The following METTL8 variants were observed in gnomAD, a reference collection of about 807,000 sequenced individuals.
METTL8 encodes the protein tRNA N(3)-cytidine methyltransferase METTL8, mitochondrial.
Under a neutral mutation model 48.7 loss-of-function variants are expected in METTL8, and 32 were observed. The observed-to-expected ratio is 0.66, with a 90% confidence interval of 0.50 to 0.88. The LOEUF (loss-of-function observed/expected upper bound fraction) is 0.88, where lower values mean the gene tolerates loss of function less well. METTL8 is among the 40% of genes least tolerant of loss of function. METTL8 has a pLI of 0.00. For synonymous variants in METTL8, 136 were observed against 157.1 expected, an observed-to-expected ratio of 0.87 and a Z score of 1.01; for missense variants, 464 against 474.4, an observed-to-expected ratio of 0.98 and a Z score of 0.20.
intron 1 of METTL8, among the ~76,000 whole-genome samples, chr2:171,412,563 T>A (rs751277910): frequency 1.3e-5 from 2 of 151,758 alleles, no homozygotes; most frequent in Non-Finnish European, 2.9e-5. Flanking sequence ...CATGATAATA[T>A]CAACATATTA....
At chr2:171,350,266 T>C (rs912563393) in intron 3 of METTL8, among the ~76,000 whole-genome samples, 8 of 152,222 alleles carry the variant, frequency 5.3e-5, no homozygotes, top group Non-Finnish European at 8.8e-5. Flanking sequence ...TCCAGCTTCA[T>C]CCACGTCCCT....
At chr2:171,411,551 T>C (rs2884005) in intron 1 of METTL8, among the ~76,000 whole-genome samples, 88,864 of 152,056 alleles carry the variant, frequency 0.58, 26,453 homozygotes, top group East Asian at 0.9. Context: ...TGTAATAAAG[T>C]TAGTATTTCA....
chr2:171,397,352 TAAAA>T (rs71013039), intron 1 of METTL8, among the ~76,000 whole-genome samples: 1 of 11,692 alleles, frequency 8.6e-5, no homozygotes, highest in Admixed American at 1.7e-3. Context: ...ACCCTGTCTC[TAAAA>T]AAAAAAAAAA....
intron 2 of METTL8, among the ~76,000 whole-genome samples, chr2:171,377,068 C>T (rs1257764023): frequency 6.6e-6 from 1 of 152,054 alleles, no homozygotes; most frequent in Non-Finnish European, 1.5e-5. Flanking sequence ...TAATCTTCAA[C>T]AAAACATACA....
intron 3 of METTL8, among the ~76,000 whole-genome samples, chr2:171,357,681 T>A (rs1684730293): frequency 6.6e-6 from 1 of 151,398 alleles, no homozygotes; most frequent in African/African-American, 2.4e-5. Flanking sequence ...GAGCACAAAA[T>A]CCTGAAATTT....
At chr2:171,326,227 C>A in intron 7 of METTL8, 79 bp from the exon 8 acceptor site, 1 of 736,804 alleles carries the variant, frequency 1.4e-6, no homozygotes. Flanking sequence ...TTGTTGAAGA[C>A]AAAATAAGAA....
At chr2:171,418,797 T>C (rs1321625694) in intron 1 of METTL8, among the ~76,000 whole-genome samples, 1 of 151,838 alleles carries the variant, frequency 6.6e-6, no homozygotes, top group South Asian at 2.1e-4. Context: ...CTACCAAAAA[T>C]ACAAAAAATT....
At chr2:171,330,979 T>G (rs1402207832) in intron 6 of METTL8, among the ~76,000 whole-genome samples, 1 of 152,192 alleles carries the variant, frequency 6.6e-6, no homozygotes, top group Non-Finnish European at 1.5e-5. Context: ...ACAGTGTTGT[T>G]AGAGGCCTGC....
At position 171,336,300 on chromosome 2, in the gene METTL8, T is replaced by C. The variant is rs546885912; in HGVS notation, c.656+1153A>G. ...TTAGTAGAGATGGGGTTTCACTATG[T>C]TGGCCAGGCTGGTCTCGAACTCCTG... On this transcript the variant is annotated intron_variant, in intron 5 of 9. Transcript: ENST00000375258. Among the ~76,000 whole-genome samples the C allele has an allele frequency of 3.2e-3, 485 of 151,140 alleles. 1 individual carries two copies. The highest frequency in any genetic ancestry group is 0.011 in the African/African-American group (456 of 41,108).
intron 8 of METTL8, 64 bp downstream of exon 8, chr2:171,325,978 T>C: frequency 1.5e-6 from 2 of 1,360,620 alleles, no homozygotes; most frequent in Admixed American, 2.0e-5. Context: ...TACTTTGATG[T>C]GAAATATAAA....
chr2:171,334,071 TAAAACAAAACAAAAC>T (rs148818231), intron 5 of METTL8, among the ~76,000 whole-genome samples: 47 of 150,834 alleles, frequency 3.1e-4, no homozygotes, highest in Middle Eastern at 3.4e-3. Context: ...CATAGTCCTC[TAAAACAAAACAAAAC>T]AAAACAAAAC....
intron 2 of METTL8, among the ~76,000 whole-genome samples, chr2:171,364,200 T>C (rs571317608): frequency 2.0e-5 from 3 of 152,332 alleles, no homozygotes; most frequent in Admixed American, 6.5e-5. Flanking sequence ...AAACCAATTA[T>C]GTTTGAATAG....
intron 1 of METTL8, among the ~76,000 whole-genome samples, chr2:171,393,004 T>A (rs567599404): frequency 6.6e-6 from 1 of 151,870 alleles, no homozygotes; most frequent in East Asian, 1.9e-4. Context: ...ACTTGGAGGC[T>A]GAGGCAAGAG....
intron 3 of METTL8, among the ~76,000 whole-genome samples, chr2:171,350,702 C>A (rs1213444288): frequency 2.6e-5 from 4 of 152,058 alleles, no homozygotes; most frequent in African/African-American, 9.7e-5. Context: ...TTTGCATTTC[C>A]CTGACGGCCA....
intron 3 of METTL8, among the ~76,000 whole-genome samples, chr2:171,343,740 C>A (rs1397910361): frequency 6.6e-6 from 1 of 152,178 alleles, no homozygotes; most frequent in Admixed American, 6.5e-5. Context: ...AGAGTAGTAT[C>A]TCTAAAGTCT....
At chr2:171,367,590 A>T (rs1685855229) in intron 2 of METTL8, among the ~76,000 whole-genome samples, 2 of 152,358 alleles carry the variant, frequency 1.3e-5, no homozygotes, top group South Asian at 4.1e-4. Flanking sequence ...GGTGAAAAAA[A>T]GAGACCAGAA....
chr2:171,360,369 AG>A, intron 3 of METTL8, 52 bp downstream of exon 3: 2 of 1,470,614 alleles, frequency 1.4e-6, no homozygotes, highest in East Asian at 2.3e-5. Flanking sequence ...CACGAGGAGG[AG>A]GAAAAGTCAC....
chr2:171,330,398 A>G (rs1049521268), intron 7 of METTL8, among the ~76,000 whole-genome samples, 161 bp downstream of exon 7: 1 of 152,258 alleles, frequency 6.6e-6, no homozygotes, highest in Non-Finnish European at 1.5e-5. Flanking sequence ...GTCTAAAAGT[A>G]CGAAGAAAGG....
intron 1 of METTL8, among the ~76,000 whole-genome samples, chr2:171,403,578 T>C (rs959161703): frequency 6.6e-6 from 1 of 152,140 alleles, no homozygotes; most frequent in East Asian, 1.9e-4. Context: ...GAATAAAATA[T>C]GGACTTTAGT....
Sources: gnomAD v4.1 joint callset for allele counts (sites outside exome capture counted in the v4.1 genomes callset) on GRCh38, gnomAD v4.1.1 for gene constraint, MANE v1.5 for transcripts, NCBI Gene and HGNC (gene_info 2026-07-23, HGNC 2026-07-21) for gene names.